The following FAM120C variants were observed in gnomAD, a reference collection of about 807,000 sequenced individuals.
FAM120C encodes family with sequence similarity 120 member C.
In FAM120C, 14 loss-of-function variants were observed where a neutral mutation model predicts 71.2. The observed-to-expected ratio is 0.20, with a 90% CI of 0.13 to 0.31. The LOEUF (loss-of-function observed/expected upper bound fraction) is 0.31. FAM120C is among the 10% of genes least tolerant of loss of function. FAM120C has a pLI of 1.00. For synonymous variants in FAM120C, 354 were observed against 353.2 expected (o/e 1.00, Z -0.03); for missense variants, 500 against 879.0 (o/e 0.57, Z 5.45).
chrX:54,117,534 A>T, intron 9 of FAM120C, among the ~76,000 whole-genome samples: 1 of 101,493 alleles, frequency 9.9e-6, no homozygotes, highest in Non-Finnish European at 2.0e-5. Context: ...GTTTCTACCA[A>T]AAAAAAAAAA....
rs1271939864 is a variant in FAM120C, at chrX:54,183,253, C to G, written c.-55G>C. The G allele has an allele frequency of 7.1e-6, 5 of 704,530 alleles. No homozygotes were observed. Among genetic ancestry groups the G allele is most frequent in the Non-Finnish European group, 8.6e-6 (5 of 579,133 alleles). 58.1% of individuals were successfully genotyped at this position (704,530 alleles called of 1,213,427 possible). ...CTGCGCAAGCAGGATAGGCGACGAT[C>G]TGGGCGCGAAGCTGGGGGCGGGCGC... On this transcript the variant is annotated 5_prime_UTR_variant, in exon 1 of 16. Coordinates refer to ENST00000375180, the MANE Select transcript of FAM120C (RefSeq NM_017848.6).
intron 1 of FAM120C, among the ~76,000 whole-genome samples, chrX:54,173,580 T>C (rs2067300430): frequency 8.9e-6 from 1 of 112,665 alleles, no homozygotes; most frequent in South Asian, 3.6e-4. Flanking sequence ...GGTTTACTTT[T>C]AAATGGTATC....
chrX:54,113,399 G>C (rs782263863), intron 10 of FAM120C, among the ~76,000 whole-genome samples: 2 of 109,338 alleles, frequency 1.8e-5, no homozygotes, highest in Admixed American at 9.9e-5. Flanking sequence ...GGCTGAGGCT[G>C]CAGTGAGCCA....
chrX:54,168,103 C>T lies in FAM120C; in HGVS notation c.700-8487G>A, dbSNP rs144866197. 4.8e-3 allele frequency among the ~76,000 whole-genome samples: 531 copies of T among 111,452 alleles called. 2 individuals carry two copies. The highest frequency in any genetic ancestry group is 0.016 in the African/African-American group (498 of 30,712). ...AACCAGAATTTTGGTAGGTGGAGAC[C>T]GGACCAAATAACTAAAGAGAATTGG... is the stretch of plus-strand genomic sequence containing the variant. On this transcript the variant is annotated intron_variant, in intron 1 of 15. Transcript: ENST00000375180.
intron 15 of FAM120C, among the ~76,000 whole-genome samples, chrX:54,077,286 C>T (rs782688321): frequency 1.5e-4 from 17 of 111,754 alleles, no homozygotes; most frequent in African/African-American, 5.2e-4. Flanking sequence ...TAGCATAGCA[C>T]GGGGCTTTGC....
At chrX:54,181,145 A>C (rs2067347627) in intron 1 of FAM120C, among the ~76,000 whole-genome samples, 2 of 109,397 alleles carry the variant, frequency 1.8e-5, no homozygotes, top group African/African-American at 3.3e-5. Context: ...GCATGACTGG[A>C]CTCTAGCCAC....
intron 9 of FAM120C, among the ~76,000 whole-genome samples, chrX:54,128,651 G>A (rs1811480719): frequency 9.0e-6 from 1 of 111,173 alleles, no homozygotes; most frequent in Admixed American, 9.5e-5. Context: ...CTGGGTACTT[G>A]AGATTAGGGA....
Position 54,135,627 on chromosome X carries a change from T to C in FAM120C, c.1259-23A>G, listed in dbSNP as rs374235578. 8 of 1,149,146 alleles carry C rather than the reference T, an allele frequency of 7.0e-6. No individual in the cohort carries two copies. In the East Asian group the frequency reaches 2.4e-4, roughly 34 times the overall value. 94.7% of individuals were successfully genotyped at this position (1,149,146 alleles called of 1,213,427 possible). On this transcript the variant is annotated intron_variant, in intron 5 of 15. Coordinates refer to ENST00000375180, the MANE Select transcript of FAM120C (RefSeq NM_017848.6). The stretch of plus-strand genomic sequence containing the variant: ...AACCTGAAGCCAAGAGAAAGAGCTA[T>C]ACTTCAGTCAATCCTAATAATTTTA...
chrX:54,142,084 A>G (rs2146618144), intron 4 of FAM120C, among the ~76,000 whole-genome samples: 1 of 112,237 alleles, frequency 8.9e-6, no homozygotes, highest in East Asian at 2.8e-4. Context: ...TATAGACAAG[A>G]TTATTCTAAA....
intron 8 of FAM120C, 58 bp downstream of exon 8, chrX:54,133,715 A>G (rs2067079685): frequency 8.9e-7 from 1 of 1,121,837 alleles, no homozygotes. Context: ...TTACAGTCCT[A>G]GGAAGTAGGA....
chrX:54,114,822 A>G (rs1453610536), intron 10 of FAM120C, among the ~76,000 whole-genome samples: 1 of 111,649 alleles, frequency 9.0e-6, no homozygotes, highest in African/African-American at 3.3e-5. Flanking sequence ...ATCTCAGATC[A>G]CTGCAACCTC....
intron 12 of FAM120C, among the ~76,000 whole-genome samples, chrX:54,087,485 A>C (rs1285893664): frequency 1.8e-5 from 2 of 111,227 alleles, no homozygotes; most frequent in Non-Finnish European, 3.8e-5. Context: ...GTACATCTGA[A>C]TATTCCATGG....
intron 1 of FAM120C, among the ~76,000 whole-genome samples, chrX:54,159,910 AAT>A (rs1557134199): frequency 9.1e-6 from 1 of 109,467 alleles, no homozygotes; most frequent in Non-Finnish European, 1.9e-5. Context: ...ACCAGAACAG[AAT>A]ACTCTTAAAA....
At position 54,071,789 on chromosome X, in the gene FAM120C, G is replaced by C. The variant is rs1557120056; in HGVS notation, c.*1244C>G. 9.1e-6 allele frequency: 1 copy of C among 110,377 alleles called. No homozygotes were observed. Among genetic ancestry groups the C allele is most frequent in the Non-Finnish European group, 1.9e-5 (1 of 52,825 alleles). The allele number at this position is 110,377 out of a possible 1,213,427, so 9.1% of individuals were successfully genotyped here. On this transcript the variant is annotated 3_prime_UTR_variant, in exon 16 of 16. Transcript: ENST00000375180. ...TGGAAAGTACTTTTTGTCTGATTTA[G>C]AGAAGCCCATCCAACTTCTCATAGT...
intron 3 of FAM120C, among the ~76,000 whole-genome samples, chrX:54,155,584 C>A (rs1481472567): frequency 9.0e-6 from 1 of 111,199 alleles, no homozygotes; most frequent in Non-Finnish European, 1.9e-5. Flanking sequence ...CATGTGTAGA[C>A]AAGTCTTTAG....
chrX:54,137,359 C>T (rs1473557321), intron 4 of FAM120C, among the ~76,000 whole-genome samples: 1 of 112,230 alleles, frequency 8.9e-6, no homozygotes, highest in African/African-American at 3.2e-5. Context: ...ACCACTGTGG[C>T]TGGCTTACAG....
intron 4 of FAM120C, among the ~76,000 whole-genome samples, chrX:54,146,905 C>T (rs1368214418): frequency 8.9e-6 from 1 of 112,111 alleles, no homozygotes; most frequent in African/African-American, 3.2e-5. Flanking sequence ...TTTCAACAAA[C>T]TGTGCTGAAA....
intron 1 of FAM120C, among the ~76,000 whole-genome samples, chrX:54,181,926 G>A (rs1356201596): frequency 4.4e-5 from 5 of 112,389 alleles, no homozygotes; most frequent in African/African-American, 1.6e-4. Context: ...TGAATCAGTG[G>A]GTTTTTATGT....
At chrX:54,088,178 AT>A (rs1236864028) in intron 11 of FAM120C, among the ~76,000 whole-genome samples, 6 of 109,744 alleles carry the variant, frequency 5.5e-5, no homozygotes, top group East Asian at 5.7e-4. Context: ...AACCTGAGAC[AT>A]TTTTTTTTCA....
Sources: allele counts gnomAD v4.1 joint callset (sites outside exome capture counted in the v4.1 genomes callset), GRCh38; gene constraint gnomAD v4.1.1; transcripts MANE v1.5; gene names NCBI Gene and HGNC (gene_info 2026-07-23, HGNC 2026-07-21).